ATP2B2: variants seen among roughly 807,000 people sequenced by gnomAD.
ATP2B2 encodes the protein ATPase plasma membrane Ca2+ transporting 2.
A neutral mutation model predicts 120.0 loss-of-function variants in ATP2B2; 15 were observed. The ratio of observed to expected loss-of-function variants is 0.12; its 90% confidence interval spans 0.08 to 0.19. ATP2B2 has a LOEUF of 0.19. Ranked by LOEUF, ATP2B2 falls within the 10% of genes least tolerant of loss-of-function variation. ATP2B2 has a pLI of 1.00. For synonymous variants in ATP2B2, 694 were observed against 700.3 expected (o/e 0.99, Z 0.14); for missense variants, 1,045 against 1,719.8 (o/e 0.61, Z 6.94).
At chr3:10,530,317 G>A (rs1240069174) in intron 3 of ATP2B2, among the ~76,000 whole-genome samples, 2 of 152,174 alleles carry the variant, frequency 1.3e-5, no homozygotes, top group African/African-American at 2.4e-5. Flanking sequence ...CAAAAAGGAG[G>A]ACTCCCATTT....
At chr3:10,645,445 A>C (rs919799921) in intron 1 of ATP2B2, among the ~76,000 whole-genome samples, 26 of 152,214 alleles carry the variant, frequency 1.7e-4, no homozygotes, top group African/African-American at 5.1e-4. Flanking sequence ...TGTATACTAA[A>C]GCATTTAGAG....
In ATP2B2 at chr3:10,485,756, C is replaced by T. The variant is rs895214160; in HGVS notation, c.-320+19709G>A. Among the ~76,000 whole-genome samples, 29 of 152,136 alleles carry T rather than the reference C, an allele frequency of 1.9e-4. 1 individual carries two copies. Among genetic ancestry groups the T allele is most frequent in the Non-Finnish European group, 1.2e-4 (8 of 68,028 alleles). On this transcript the variant is annotated intron_variant, in intron 1 of 22. Transcript: ENST00000360273. ...GTTTTGTGCGGTGGGGGCTTCCTGG[C>T]TCTGGCTCAGGCCTGCCTTCCCGGC...
At chr3:10,394,975 G>C (rs998756638) in intron 5 of ATP2B2, among the ~76,000 whole-genome samples, 1 of 152,164 alleles carries the variant, frequency 6.6e-6, no homozygotes, top group African/African-American at 2.4e-5. Flanking sequence ...GGGGGCTACA[G>C]GAAGAGCCCA....
chr3:10,350,247 A>T, intron 15 of ATP2B2, 48 bp from the exon 16 acceptor site: 2 of 1,584,832 alleles, frequency 1.3e-6, no homozygotes. Flanking sequence ...CGGGGAGAGA[A>T]ACTGAGGCCT....
intron 2 of ATP2B2, among the ~76,000 whole-genome samples, chr3:10,582,665 A>G (rs771698033): frequency 7.2e-5 from 11 of 152,208 alleles, no homozygotes; most frequent in Non-Finnish European, 1.2e-4. Context: ...AGGAGCCAGT[A>G]AGATCTGGGA....
chr3:10,401,363 C>G (rs1007023340), intron 4 of ATP2B2, among the ~76,000 whole-genome samples: 1 of 152,220 alleles, frequency 6.6e-6, no homozygotes, highest in Admixed American at 6.5e-5. Flanking sequence ...CTCGCCTGAA[C>G]TTGGAGTGCA....
At chr3:10,562,539 T>C (rs9865283) in intron 2 of ATP2B2, among the ~76,000 whole-genome samples, 10,615 of 152,162 alleles carry the variant, frequency 0.07, 488 homozygotes, top group African/African-American at 0.13. Flanking sequence ...TCTGATTCCC[T>C]GAATCACCCC....
At chr3:10,536,456 TCTCCTTC>T (rs967942589) in intron 2 of ATP2B2, among the ~76,000 whole-genome samples, 5 of 151,078 alleles carry the variant, frequency 3.3e-5, no homozygotes, top group Non-Finnish European at 7.4e-5. Flanking sequence ...TCTTTCTTCC[TCTCCTTC>T]CTCCTTCCTC....
chr3:10,630,258 C>A (rs1467363329), intron 1 of ATP2B2, among the ~76,000 whole-genome samples: 1 of 152,144 alleles, frequency 6.6e-6, no homozygotes, highest in Non-Finnish European at 1.5e-5. Flanking sequence ...ATTATTTCAT[C>A]ACTTAAGTAT....
intron 2 of ATP2B2, among the ~76,000 whole-genome samples, chr3:10,609,845 G>A (rs56249356): frequency 6.6e-6 from 1 of 152,032 alleles, no homozygotes; most frequent in African/African-American, 2.4e-5. Context: ...ACGGGGGAGT[G>A]GGCTGTTTGG....
At chr3:10,592,172 T>C (rs1341647957) in intron 2 of ATP2B2, among the ~76,000 whole-genome samples, 4 of 152,212 alleles carry the variant, frequency 2.6e-5, no homozygotes, top group Non-Finnish European at 5.9e-5. Flanking sequence ...TCAGTATCTC[T>C]ATCATCCCTG....
chr3:10,473,782 C>T (rs1189425411), intron 1 of ATP2B2, among the ~76,000 whole-genome samples: 1 of 152,220 alleles, frequency 6.6e-6, no homozygotes, highest in African/African-American at 2.4e-5. Context: ...AGGGGCAAGA[C>T]ATGCTTTTAG....
Position 10,324,084 on chromosome 3 carries a change from C to G in ATP2B2, c.*4730G>C, listed in dbSNP as rs2059824080. ...TATAGTGTTGAAAAGGCAGACAAAT[C>G]CCATTAATTACAAAGAGCACAAGCC... On this transcript the variant is annotated 3_prime_UTR_variant, in exon 23 of 23. Transcript: ENST00000360273. 6.6e-6 allele frequency: 1 copy of G among 151,938 alleles called. No homozygotes were observed. The highest frequency in any genetic ancestry group is 1.5e-5 in the Non-Finnish European group (1 of 68,014). 9.4% of individuals were successfully genotyped at this position (151,938 alleles called of 1,614,324 possible).
chr3:10,484,722 A>G (rs2065567467), intron 1 of ATP2B2, among the ~76,000 whole-genome samples: 6 of 152,178 alleles, frequency 3.9e-5, no homozygotes, highest in Admixed American at 3.9e-4. Flanking sequence ...GTGCACCAGT[A>G]CATTGCCTCC....
At chr3:10,682,835 G>A (rs1196944208) in intron 1 of ATP2B2, among the ~76,000 whole-genome samples, 1 of 152,206 alleles carries the variant, frequency 6.6e-6, no homozygotes, top group Admixed American at 6.5e-5. Context: ...GATCCCACCG[G>A]CTTCTGATGG....
chr3:10,497,487 CTCAT>C (rs1187666176), intron 1 of ATP2B2, among the ~76,000 whole-genome samples: 1 of 152,222 alleles, frequency 6.6e-6, no homozygotes, highest in Non-Finnish European at 1.5e-5. Flanking sequence ...CTAGAAGAGA[CTCAT>C]TAAAGTTCAT....
chr3:10,630,241 T>G (rs1328533485), intron 1 of ATP2B2, among the ~76,000 whole-genome samples: 1 of 152,210 alleles, frequency 6.6e-6, no homozygotes, highest in Non-Finnish European at 1.5e-5. Context: ...GGGGGTTTGT[T>G]GTACAGATTA....
intron 1 of ATP2B2, among the ~76,000 whole-genome samples, chr3:10,471,243 AC>A (rs1186018029): frequency 2.0e-5 from 3 of 150,250 alleles, no homozygotes; most frequent in Non-Finnish European, 4.4e-5. Context: ...GGTGCAGGAG[AC>A]CCCCTCCCTG....
At chr3:10,676,167 G>A (rs183323702) in intron 1 of ATP2B2, among the ~76,000 whole-genome samples, 1 of 152,262 alleles carries the variant, frequency 6.6e-6, no homozygotes, top group East Asian at 1.9e-4. Flanking sequence ...GAAGGAGAGA[G>A]GTAAAGAAGG....
Sources: allele counts gnomAD v4.1 joint callset (sites outside exome capture counted in the v4.1 genomes callset), GRCh38; gene constraint gnomAD v4.1.1; transcripts MANE v1.5; gene names NCBI Gene and HGNC (gene_info 2026-07-23, HGNC 2026-07-21).